HECTD4: variants seen among roughly 807,000 people sequenced by gnomAD.
HECTD4 encodes probable E3 ubiquitin-protein ligase HECTD4.
In HECTD4, 114 loss-of-function variants were observed where a neutral mutation model predicts 471.5. The observed-to-expected ratio is 0.24, with a 90% CI of 0.21 to 0.28. The LOEUF (loss-of-function observed/expected upper bound fraction) is 0.28. Among genes scored for constraint, HECTD4 ranks in the 10% least tolerant of loss-of-function variants. HECTD4 has a pLI of 1.00. For missense variants in HECTD4, 3,866 were observed against 5,651.5 expected (o/e 0.68, Z 10.13); for synonymous variants, 2,012 against 2,256.0 (o/e 0.89, Z 3.07).
intron 40 of HECTD4, among the ~76,000 whole-genome samples, 193 bp downstream of exon 40, chr12:112,230,494 G>T (rs376921941): frequency 6.6e-6 from 1 of 152,180 alleles, no homozygotes; most frequent in Admixed American, 6.5e-5. Context: ...AATGAGAACC[G>T]GGAGTGACAG....
chr12:112,370,823 A>G (rs922419869), intron 1 of HECTD4, among the ~76,000 whole-genome samples: 42 of 152,330 alleles, frequency 2.8e-4, no homozygotes, highest in African/African-American at 9.4e-4. Context: ...TGCTTAAAAT[A>G]CAGGATCAAA....
intron 45 of HECTD4, among the ~76,000 whole-genome samples, chr12:112,218,720 C>T (rs1050760163): frequency 2.4e-4 from 37 of 152,094 alleles, no homozygotes; most frequent in African/African-American, 8.2e-4. Context: ...AATAGATGTA[C>T]CAATTTTTAA....
rs2031156055 is a variant in HECTD4 at position 112,170,172 on chromosome 12, G to C, written c.12052+161C>G. The C allele has an allele frequency of 6.0e-6, 6 of 996,678 alleles. No individual in the cohort carries two copies. In the South Asian group the frequency reaches 9.6e-5, roughly 16 times the overall value. 61.7% of individuals were successfully genotyped at this position (996,678 alleles called of 1,614,324 possible). On this transcript the variant is annotated intron_variant, in intron 69 of 75. Coordinates refer to ENST00000682272, the MANE Select transcript of HECTD4 (RefSeq NM_001388303.1). Reference sequence around the variant, plus strand: ...CTATGCCCCTTCCCTGAGCTCCTGAGGGGACCTTCCAGCAGGAAGCCACAC... The same window carrying C: ...CTATGCCCCTTCCCTGAGCTCCTGACGGGACCTTCCAGCAGGAAGCCACAC...
chr12:112,269,029 C>T (rs1011219402), intron 13 of HECTD4, among the ~76,000 whole-genome samples: 1 of 151,124 alleles, frequency 6.6e-6, no homozygotes, highest in Non-Finnish European at 1.5e-5. Context: ...AGCGCGCCAC[C>T]ATGCCCGGCT....
chr12:112,246,119 G>A (rs2033755481), intron 29 of HECTD4, among the ~76,000 whole-genome samples: 1 of 142,146 alleles, frequency 7.0e-6, no homozygotes, highest in Non-Finnish European at 1.5e-5. Context: ...ACAACAGAAT[G>A]AGACTCCGTC....
In HECTD4 at chr12:112,382,032, C is replaced by G; in HGVS notation, c.97G>C (p.Gly33Arg). 8.2e-7 allele frequency: 1 copy of G among 1,224,548 alleles called. No homozygotes were observed. The highest frequency in any genetic ancestry group is 3.2e-5 in the East Asian group (1 of 31,216). 75.9% of individuals were successfully genotyped at this position (1,224,548 alleles called of 1,614,324 possible). ...VKEETIFLHDGLIRVTDLAEL... is the reference protein window; with the variant it reads ...VKEETIFLHDRLIRVTDLAEL... ...GCCAGGTCGGTGACCCGGATCAGCC[C>G]GTCGTGCAGGAAGATGGTCTCTTCC... Residue 33 changes from glycine (G) to arginine (R), a missense_variant, in exon 1 of 76, where the codon GGG becomes CGG. By Grantham distance (125) the Gly-to-Arg change is moderately radical (BLOSUM62 -2). Coordinates refer to ENST00000682272, the MANE Select transcript of HECTD4 (RefSeq NM_001388303.1).
intron 65 of HECTD4, 29 bp from the exon 66 acceptor site, chr12:112,175,888 C>G (rs1398186175): frequency 3.1e-6 from 5 of 1,611,278 alleles, no homozygotes; most frequent in Non-Finnish European, 4.2e-6. Flanking sequence ...TGTGAGGAAT[C>G]TGGTGAGACC....
chr12:112,211,642 A>T (rs965684775), intron 49 of HECTD4, among the ~76,000 whole-genome samples: 1 of 152,028 alleles, frequency 6.6e-6, no homozygotes, highest in Non-Finnish European at 1.5e-5. Flanking sequence ...CGGGTTGTTG[A>T]TGGAAGAATG....
In HECTD4 at chr12:112,185,269, C is replaced by T; in HGVS notation, c.9697G>A (p.Gly3233Ser). The T allele has an allele frequency of 6.4e-7, 1 of 1,551,004 alleles. No individual in the cohort carries two copies. Among genetic ancestry groups the T allele is most frequent in the Non-Finnish European group, 8.7e-7 (1 of 1,146,884 alleles). Residue 3233 changes from glycine to serine, a missense_variant, in exon 61 of 76, where the codon GGC becomes AGC. Around this residue, in one of 16 missense-constraint regions of HECTD4, gnomAD observed 364 missense variants for 413.2 expected, o/e 0.88. Transcript: ENST00000682272. The part of the protein sequence containing the change: ...YDEETQNWVS[G>S]GACGGSGGAA... ...CCCCCGGAGCCCCCGCAGGCGCCGCCTGAGACCCAGTTCTGCGTCTCCTCG... is the reference window on the plus strand; with the variant it reads ...CCCCCGGAGCCCCCGCAGGCGCCGCTTGAGACCCAGTTCTGCGTCTCCTCG...
chr12:112,253,725 C>G lies in HECTD4; in HGVS notation c.3447+318G>C, dbSNP rs1260936280. 2.6e-5 allele frequency among the ~76,000 whole-genome samples: 4 copies of G among 152,194 alleles called. No individual in the cohort carries two copies. The South Asian group carries it at 8.3e-4, about 31-fold the overall frequency. Reference sequence around the variant, plus strand: ...GCAATGGCCTTGTGGTTCTAGGGTACTTGTCAACAGGGAGTGTAGAGGAGA... The same window carrying G: ...GCAATGGCCTTGTGGTTCTAGGGTAGTTGTCAACAGGGAGTGTAGAGGAGA... On this transcript the variant is annotated intron_variant, in intron 22 of 75. Transcript: ENST00000682272.
At chr12:112,285,205 C>T (rs2034724937) in intron 7 of HECTD4, among the ~76,000 whole-genome samples, 1 of 152,126 alleles carries the variant, frequency 6.6e-6, no homozygotes, top group African/African-American at 2.4e-5. Flanking sequence ...GCGAGTGAAG[C>T]CAGCACAGTC....
chr12:112,287,935 G>T (rs1236470862), intron 7 of HECTD4, among the ~76,000 whole-genome samples: 1 of 152,062 alleles, frequency 6.6e-6, no homozygotes, highest in Non-Finnish European at 1.5e-5. Flanking sequence ...CACATTGGTG[G>T]CCCCTAATGA....
At chr12:112,227,277 T>A (rs377100284) in intron 43 of HECTD4, among the ~76,000 whole-genome samples, 2 of 152,076 alleles carry the variant, frequency 1.3e-5, no homozygotes, top group East Asian at 3.9e-4. Context: ...CTGGCCAACA[T>A]GGCGAGACCC....
chr12:112,261,587 G>A, intron 17 of HECTD4, 158 bp from the exon 18 acceptor site: 2 of 727,214 alleles, frequency 2.8e-6, no homozygotes, highest in South Asian at 4.6e-5. Flanking sequence ...AAATAATGAG[G>A]TGGCCAGAAT....
At chr12:112,260,081 T>C (rs915515988) in intron 18 of HECTD4, among the ~76,000 whole-genome samples, 2 of 152,200 alleles carry the variant, frequency 1.3e-5, no homozygotes, top group African/African-American at 4.8e-5. Flanking sequence ...TTTTGTGTTA[T>C]AAAACCCAAA....
chr12:112,280,585 A>G (rs1157494576), intron 8 of HECTD4, among the ~76,000 whole-genome samples: 1 of 150,006 alleles, frequency 6.7e-6, no homozygotes, highest in Non-Finnish European at 1.5e-5. Flanking sequence ...TTTTTTTTTT[A>G]AGCTGCAAGC....
At chr12:112,220,939 AC>A (rs1030272111) in intron 44 of HECTD4, among the ~76,000 whole-genome samples, 1 of 151,988 alleles carries the variant, frequency 6.6e-6, no homozygotes, top group African/African-American at 2.4e-5. Context: ...ACATAGTGAG[AC>A]CCCGTCTCTA....
chr12:112,357,829 CT>C (rs1362028640), intron 1 of HECTD4, among the ~76,000 whole-genome samples: 1 of 152,176 alleles, frequency 6.6e-6, no homozygotes, highest in Non-Finnish European at 1.5e-5. Context: ...CAATTCTAGG[CT>C]TCTAGTAGGA....
At chr12:112,209,322 T>C (rs780292472) in intron 50 of HECTD4, among the ~76,000 whole-genome samples, 4 of 151,602 alleles carry the variant, frequency 2.6e-5, no homozygotes, top group Non-Finnish European at 5.9e-5. Flanking sequence ...CAAGTAATCA[T>C]AAAAGTTTTT....
Sources: gnomAD v4.1 joint callset for allele counts (sites outside exome capture counted in the v4.1 genomes callset) on GRCh38, gnomAD v4.1.1 for gene constraint, gnomAD v4.1.1 regional missense constraint, MANE v1.5 for transcripts, NCBI Gene and HGNC (gene_info 2026-07-23, HGNC 2026-07-21) for gene names.